The following AGAP1 variants were observed in gnomAD, a reference collection of about 807,000 sequenced individuals.
AGAP1 encodes arf-GAP with GTPase, ANK repeat and PH domain-containing protein 1.
AGAP1 carries 29 observed loss-of-function variants against 105.3 expected under a neutral mutation model. The ratio of observed to expected loss-of-function variants is 0.28; its 90% CI spans 0.21 to 0.38. The LOEUF is 0.38. AGAP1 is among the 10% of genes least tolerant of loss of function. AGAP1 has a pLI of 1.00. For synonymous variants in AGAP1, 509 were observed against 485.9 expected (o/e 1.05, Z -0.63); for missense variants, 998 against 1,165.1 (o/e 0.86, Z 2.09).
chr2:235,962,284 C>T lies in AGAP1; in HGVS notation c.1484-6178C>T, dbSNP rs962377766. Among the ~76,000 whole-genome samples, 1 of 152,068 alleles carries T rather than the reference C, an allele frequency of 6.6e-6. No individual in the cohort carries two copies. Among genetic ancestry groups the T allele is most frequent in the Non-Finnish European group, 1.5e-5 (1 of 68,002 alleles). ...GGAGGCCGGTGTGCATGGCACCACC[C>T]TCTCCCAGCCCTGGCCCATGACGGT... On this transcript the variant is annotated intron_variant, in intron 12 of 17. Coordinates refer to ENST00000304032, the MANE Select transcript of AGAP1 (RefSeq NM_001037131.3). The surrounding 1 kb of genome is among the most constrained non-coding windows in gnomAD (Gnocchi z 5.3).
At chr2:235,679,502 T>G (rs1193570218) in intron 1 of AGAP1, among the ~76,000 whole-genome samples, 1 of 152,232 alleles carries the variant, frequency 6.6e-6, no homozygotes, top group African/African-American at 2.4e-5. Context: ...TATTGACCAC[T>G]GTTACCTTAA....
rs1345261404 is a variant in AGAP1, at chr2:235,721,395, G to T, written c.310+3751G>T. On this transcript the variant is annotated intron_variant, in intron 3 of 17. Transcript: ENST00000304032. The surrounding 1 kb of genome is among the most constrained non-coding windows in gnomAD (Gnocchi z 4.5). The stretch of plus-strand genomic sequence containing the variant: ...CAATTAGTGAATTAACAACACAAAA[G>T]TGGGTAACACCGTAGGGAACTTGTG... 6.6e-6 allele frequency among the ~76,000 whole-genome samples: 1 copy of T among 152,166 alleles called. No individual in the cohort carries two copies. Among genetic ancestry groups the T allele is most frequent in the East Asian group, 1.9e-4 (1 of 5,196 alleles).
At chr2:235,654,867 G>A (rs1198069735) in intron 1 of AGAP1, among the ~76,000 whole-genome samples, 1 of 152,128 alleles carries the variant, frequency 6.6e-6, no homozygotes, top group Non-Finnish European at 1.5e-5. Context: ...ATTTCTCCCA[G>A]CTATATCTGG....
At chr2:235,925,469 G>C (rs752886786) in intron 11 of AGAP1, among the ~76,000 whole-genome samples, 4 of 152,166 alleles carry the variant, frequency 2.6e-5, no homozygotes, top group African/African-American at 9.6e-5. Context: ...CTGGGGCTGA[G>C]GGTTGGGGCG....
rs762945138 is a variant in AGAP1 at position 235,904,872 on chromosome 2, G to C, written c.1156-3866G>C. 6.6e-6 allele frequency among the ~76,000 whole-genome samples: 1 copy of C among 152,152 alleles called. No homozygotes were observed. Among genetic ancestry groups the C allele is most frequent in the Non-Finnish European group, 1.5e-5 (1 of 68,018 alleles). On this transcript the variant is annotated intron_variant, in intron 10 of 17. Coordinates refer to ENST00000304032, the MANE Select transcript of AGAP1 (RefSeq NM_001037131.3). This position sits in a 1 kb window ranked among gnomAD's most constrained non-coding sequence, Gnocchi z 4.2. ...CCACCTGTGTGTGAAGCGCTGAGTC[G>C]GAGGGCTTTTATTGAGTAGGAAATG... is the stretch of plus-strand genomic sequence containing the variant.
intron 8 of AGAP1, among the ~76,000 whole-genome samples, chr2:235,800,514 A>G (rs1264941726): frequency 6.6e-6 from 1 of 152,190 alleles, no homozygotes; most frequent in Non-Finnish European, 1.5e-5. Flanking sequence ...AGCAGACATT[A>G]CCAATCAATC....
Position 235,608,614 on chromosome 2 carries a change from A to G in AGAP1, c.164-100565A>G, listed in dbSNP as rs1177390686. 1.3e-5 allele frequency among the ~76,000 whole-genome samples: 2 copies of G among 152,110 alleles called. No individual in the cohort carries two copies. Among genetic ancestry groups the G allele is most frequent in the Admixed American group, 6.5e-5 (1 of 15,280 alleles). ...CGATGATGCCCAGAGTGTCTGGGGG[A>G]CGCATCCAGGGTCCCAGGCCCAGAA... On this transcript the variant is annotated intron_variant, in intron 1 of 17. Transcript: ENST00000304032. The surrounding 1 kb of genome is among the most constrained non-coding windows in gnomAD (Gnocchi z 5.4).
Position 235,623,921 on chromosome 2 carries a change from G to A in AGAP1, c.164-85258G>A, listed in dbSNP as rs1020117970. Reference sequence around the variant, plus strand: ...ATGATTCCAATTTGAGCTGTCTCCTGGAGAAGTTGGATCCATTTGTGTTTC... The same window carrying A: ...ATGATTCCAATTTGAGCTGTCTCCTAGAGAAGTTGGATCCATTTGTGTTTC... On this transcript the variant is annotated intron_variant, in intron 1 of 17. Transcript: ENST00000304032. This position sits in a 1 kb window ranked among gnomAD's most constrained non-coding sequence, Gnocchi z 4.5. Among the ~76,000 whole-genome samples the A allele has an allele frequency of 1.3e-5, 2 of 152,132 alleles. No homozygotes were observed.
At chr2:235,827,865 G>A (rs770897331) in intron 9 of AGAP1, among the ~76,000 whole-genome samples, 11 of 152,374 alleles carry the variant, frequency 7.2e-5, no homozygotes, top group Middle Eastern at 3.4e-3. Flanking sequence ...CTGCTGGGAT[G>A]TTGCTAGCAT....
rs996989242 is a variant in AGAP1, at chr2:235,867,125, G to A, written c.1051-16220G>A. ...GGATGGCCAGAGGAAGGGGCAGGAT[G>A]CAAGAAGGACATTTCAGGGGAAAAG... On this transcript the variant is annotated intron_variant, in intron 9 of 17. Coordinates refer to ENST00000304032, the MANE Select transcript of AGAP1 (RefSeq NM_001037131.3). The surrounding 1 kb of genome is among the most constrained non-coding windows in gnomAD (Gnocchi z 5.4). Among the ~76,000 whole-genome samples the A allele has an allele frequency of 2.6e-5, 4 of 152,210 alleles. No homozygotes were observed. The highest frequency in any genetic ancestry group is 7.2e-5 in the African/African-American group (3 of 41,448).
chr2:235,947,501 C>T (rs1359556888), intron 12 of AGAP1, among the ~76,000 whole-genome samples: 2 of 152,142 alleles, frequency 1.3e-5, no homozygotes, highest in East Asian at 3.8e-4. Context: ...TGGGCTGGTT[C>T]CGTATTTTTG....
intron 1 of AGAP1, among the ~76,000 whole-genome samples, chr2:235,527,203 G>C (rs1942873004): frequency 1.3e-5 from 2 of 152,200 alleles, no homozygotes; most frequent in African/African-American, 4.8e-5. Flanking sequence ...TCAGGGAGCA[G>C]AATGAAGACA....
rs751538430 is a variant in AGAP1, at chr2:236,040,873, G to A, written c.1891+32G>A. The A allele has an allele frequency of 4.3e-6, 7 of 1,610,564 alleles. No homozygotes were observed. The Admixed American group carries it at 5.0e-5, about 12-fold the overall frequency. On this transcript the variant is annotated intron_variant, in intron 15 of 17. Transcript: ENST00000304032. The surrounding 1 kb of genome is among the most constrained non-coding windows in gnomAD (Gnocchi z 5.6). ...GTGTGCGGTGGTAGCAGGGGCTGGC[G>A]CTGTGTAGCTGGAGACCACATGGTC...
At position 235,866,417 on chromosome 2, in the gene AGAP1, T is replaced by C. The variant is rs1255422076; in HGVS notation, c.1051-16928T>C. 6.6e-6 allele frequency among the ~76,000 whole-genome samples: 1 copy of C among 151,858 alleles called. No individual in the cohort carries two copies. Among genetic ancestry groups the C allele is most frequent in the Non-Finnish European group, 1.5e-5 (1 of 67,976 alleles). ...TCGGGGGAGTGTGTCCAGTACGGAA[T>C]GGGAATTGAGACTCCAGCAAGTGGG... On this transcript the variant is annotated intron_variant, in intron 9 of 17. Coordinates refer to ENST00000304032, the MANE Select transcript of AGAP1 (RefSeq NM_001037131.3). This position sits in a 1 kb window ranked among gnomAD's most constrained non-coding sequence, Gnocchi z 6.1.
chr2:235,735,713 G>C (rs923168609), intron 3 of AGAP1, among the ~76,000 whole-genome samples: 7 of 152,116 alleles, frequency 4.6e-5, no homozygotes, highest in Admixed American at 3.3e-4. Context: ...TGCAGTGTGG[G>C]ATTTAGGGAG....
chr2:235,724,700 A>C lies in AGAP1; in HGVS notation c.310+7056A>C, dbSNP rs1478899582. ...GCTTTAAGAGAAAATACCAGGTGCT[A>C]AGAGTAATTATAACTACCAGGTAAG... is the stretch of plus-strand genomic sequence containing the variant. On this transcript the variant is annotated intron_variant, in intron 3 of 17. Transcript: ENST00000304032. The surrounding 1 kb of genome is among the most constrained non-coding windows in gnomAD (Gnocchi z 4.9). Among the ~76,000 whole-genome samples, 2 of 152,230 alleles carry C rather than the reference A, an allele frequency of 1.3e-5. No individual in the cohort carries two copies. The highest frequency in any genetic ancestry group is 4.8e-5 in the African/African-American group (2 of 41,478).
chr2:235,593,058 G>T (rs528791618), intron 1 of AGAP1, among the ~76,000 whole-genome samples: 2 of 152,342 alleles, frequency 1.3e-5, no homozygotes, highest in African/African-American at 4.8e-5. Context: ...CACCTGACCA[G>T]GTGAGAGATG....
intron 1 of AGAP1, among the ~76,000 whole-genome samples, chr2:235,641,116 C>T (rs964669219): frequency 1.3e-5 from 2 of 152,138 alleles, no homozygotes; most frequent in Non-Finnish European, 2.9e-5. Context: ...CCATAAATCA[C>T]GCAAAGCACA....
chr2:235,968,783 G>C (rs2054517559), intron 13 of AGAP1, among the ~76,000 whole-genome samples, 160 bp downstream of exon 13: 1 of 152,134 alleles, frequency 6.6e-6, no homozygotes, highest in Non-Finnish European at 1.5e-5. Context: ...GAGGGCCCTT[G>C]GGACCTTTTC....
Sources: allele counts gnomAD v4.1 joint callset (sites outside exome capture counted in the v4.1 genomes callset), GRCh38; gene constraint gnomAD v4.1.1; non-coding constraint Gnocchi (gnomAD v3.1); transcripts MANE v1.5; gene names NCBI Gene and HGNC (gene_info 2026-07-23, HGNC 2026-07-21).